GATA2: variants seen among roughly 807,000 people sequenced by gnomAD.
GATA2 encodes the protein GATA binding protein 2, also known as endothelial transcription factor GATA-2.
Under a neutral mutation model 35.7 loss-of-function variants are expected in GATA2, and 6 were observed. The observed-to-expected ratio is 0.17, with a 90% CI of 0.09 to 0.33. GATA2 has a LOEUF of 0.33. Ranked by LOEUF, GATA2 falls within the 10% of genes least tolerant of loss-of-function variation. The probability of loss-of-function intolerance (pLI) is 1.00; values close to 1 mark genes in which losing one functional copy is unlikely to be tolerated. For synonymous variants in GATA2, 313 were observed against 274.9 expected, an observed-to-expected ratio of 1.14 and a Z score of -1.37; for missense variants, 541 against 656.6, an observed-to-expected ratio of 0.82 and a Z score of 1.92.
At chr3:128,483,675 G>A (rs1385424137) in intron 4 of GATA2, among the ~76,000 whole-genome samples, 185 bp downstream of exon 4, 1 of 152,206 alleles carries the variant, frequency 6.6e-6, no homozygotes, top group East Asian at 1.9e-4. Context: ...ACCCGAGGAG[G>A]AAATCTGGCC....
intron 1 of GATA2, chr3:128,490,080 T>A (rs2068753255): frequency 6.6e-6 from 1 of 152,182 alleles, no homozygotes; most frequent in East Asian, 1.9e-4. Context: ...GTAATTCGCC[T>A]TTTTCTCCCA....
chr3:128,481,045 A>G lies in GATA2; in HGVS notation c.1417T>C (p.Ser473Pro), dbSNP rs2068619751. The G allele has an allele frequency of 1.3e-6, 2 of 1,589,140 alleles. No individual in the cohort carries two copies. The highest frequency in any genetic ancestry group is 4.5e-5 in the East Asian group (2 of 44,626). ...SSLSFGHPHP[S>P]SMVTAMG ...TAGCCCATGGCGGTCACCATGCTGG[A>G]CGGGTGGGGGTGGCCGAAGGAGAGG... Residue 473 changes from serine to proline, a missense_variant, in exon 6 of 6, where the codon TCC (serine) becomes CCC (proline). Ser to Pro is a moderately conservative substitution (Grantham distance 74). Around this residue, in one of 5 missense-constraint regions of GATA2, gnomAD observed 95 missense variants for 114.0 expected, o/e 0.83. Coordinates refer to ENST00000341105, the MANE Select transcript of GATA2 (RefSeq NM_032638.5).
intron 1 of GATA2, 102 bp downstream of exon 1, chr3:128,492,797 G>A (rs1396294546): frequency 2.0e-5 from 3 of 152,514 alleles, no homozygotes; most frequent in African/African-American, 7.2e-5. Context: ...CCCAAAGGTA[G>A]GGGCCACAGG....
Position 128,491,217 on chromosome 3 carries a change from C to A in GATA2, c.-46+1682G>T, listed in dbSNP as rs1344055408. Among the ~76,000 whole-genome samples the A allele has an allele frequency of 1.2e-4, 15 of 121,826 alleles. 1 individual carries two copies. The highest frequency in any genetic ancestry group is 2.8e-4 in the African/African-American group (8 of 28,714). 79.9% of individuals were successfully genotyped at this position (121,826 alleles called of 152,430 possible). On this transcript the variant is annotated intron_variant, in intron 1 of 5. Transcript: ENST00000341105. ...TCTCCCCGGCCGTCCAGCCCCCCCC[C>A]CCCTCTGAGCCCTTTGTTTAAAGTT... is the stretch of plus-strand genomic sequence containing the variant.
chr3:128,485,602 G>C, intron 3 of GATA2, 125 bp downstream of exon 3: 1 of 1,212,286 alleles, frequency 8.2e-7, no homozygotes, highest in South Asian at 1.4e-5. Context: ...GGGGCTATTA[G>C]AGCGAGACAT....
chr3:128,481,065 G>A lies in GATA2; in HGVS notation c.1397C>T (p.Ser466Phe), dbSNP rs2107667686. 2 of 1,602,892 alleles carry A rather than the reference G, an allele frequency of 1.2e-6. No homozygotes were observed. The highest frequency in any genetic ancestry group is 1.7e-6 in the Non-Finnish European group (2 of 1,172,774). Reference sequence around the variant, plus strand: ...GCTGGACGGGTGGGGGTGGCCGAAGGAGAGGCTGGAGGAGGGGTGGATGGG... The same window carrying A: ...GCTGGACGGGTGGGGGTGGCCGAAGAAGAGGCTGGAGGAGGGGTGGATGGG... ...PTPIHPSSSL[S>F]FGHPHPSSMV... Residue 466 changes from serine to phenylalanine, a missense_variant, in exon 6 of 6, where the codon TCC becomes TTC. By Grantham distance (155) the Ser-to-Phe change is radical (BLOSUM62 -2). Transcript: ENST00000341105.
At chr3:128,484,030 G>A (rs781434691) in intron 3 of GATA2, 25 bp from the exon 4 acceptor site, 6 of 1,608,398 alleles carry the variant, frequency 3.7e-6, no homozygotes, top group East Asian at 4.5e-5. Context: ...GGAGAGACAC[G>A]GGGGCCTGCT....
intron 4 of GATA2, 63 bp downstream of exon 4, chr3:128,483,797 C>T: frequency 6.2e-7 from 1 of 1,610,360 alleles, no homozygotes; most frequent in Non-Finnish European, 8.5e-7. Flanking sequence ...GTTTTTTTCC[C>T]CTGTAATTAA....
intron 5 of GATA2, 37 bp from the exon 6 acceptor site, chr3:128,481,355 T>C (rs1201788527): frequency 1.2e-6 from 2 of 1,601,968 alleles, no homozygotes; most frequent in African/African-American, 2.7e-5. Flanking sequence ...GGCCAGTTCC[T>C]TCCTCCAGCA....
At chr3:128,486,396 G>C (rs748342049) in intron 2 of GATA2, 28 bp from the exon 3 acceptor site, 2 of 1,589,096 alleles carry the variant, frequency 1.3e-6, no homozygotes, top group Non-Finnish European at 1.7e-6. Context: ...GAGGATCAGG[G>C]TGGGCAGAAA....
At position 128,485,898 on chromosome 3, in the gene GATA2, C is replaced by T. The variant is rs776216814; in HGVS notation, c.700G>A (p.Ala234Thr). ...GTAGCAGGCTGGGTGCCCATAGTAG[C>T]TAGGCCTGGGCGCAGGGGACTGCCA... ...ESGSPLRPGLATMGTQPATHH... is the reference protein window; with the variant it reads ...ESGSPLRPGLTTMGTQPATHH... The change falls in exon 3 of 6, where the codon GCT becomes ACT. Residue 234 changes from alanine to threonine, a missense_variant. Around this residue, in one of 5 missense-constraint regions of GATA2, gnomAD observed 389 missense variants for 396.9 expected, o/e 0.98. Coordinates refer to ENST00000341105, the MANE Select transcript of GATA2 (RefSeq NM_032638.5). 7 of 1,614,094 alleles carry T rather than the reference C, an allele frequency of 4.3e-6. No individual in the cohort carries two copies. The South Asian group carries it at 7.7e-5, about 18-fold the overall frequency.
rs370750401 is a variant in GATA2 at position 128,486,896 on chromosome 3, C to T, written c.136G>A (p.Asp46Asn). The T allele has an allele frequency of 3.1e-6, 5 of 1,612,770 alleles. No homozygotes were observed. The highest frequency in any genetic ancestry group is 4.2e-6 in the Non-Finnish European group (5 of 1,179,584). ...GAGTCGAGGTGATTGAAGAAGACGT[C>T]CACCTCGTCTGGAGGCAGCAGCTGC... ...PAQLLPPDEV[D>N]VFFNHLDSQG... Residue 46 changes from aspartate (D) to asparagine (N), a missense_variant, in exon 2 of 6, where the codon GAC becomes AAC. By Grantham distance (23) the Asp-to-Asn change is conservative. Coordinates refer to ENST00000341105, the MANE Select transcript of GATA2 (RefSeq NM_032638.5).
chr3:128,489,101 G>T (rs2068743074), intron 1 of GATA2: 1 of 152,236 alleles, frequency 6.6e-6, no homozygotes, highest in South Asian at 2.1e-4. Context: ...TGGGGGAGGG[G>T]CGGCGGGATT....
Position 128,483,103 on chromosome 3 carries a change from G to A in GATA2, c.1017+757C>T, listed in dbSNP as rs973530432. Among the ~76,000 whole-genome samples, 18 of 152,288 alleles carry A rather than the reference G, an allele frequency of 1.2e-4. No homozygotes were observed. The South Asian group carries it at 3.7e-3, about 32-fold the overall frequency. The stretch of plus-strand genomic sequence containing the variant: ...GGGCCTCACCCCGCCCTCGCTCCAG[G>A]GGAAAAAAAGGCCCCCAAAGCAGGG... On this transcript the variant is annotated intron_variant, in intron 4 of 5. Transcript: ENST00000341105.
At position 128,487,090 on chromosome 3, in the gene GATA2, G is replaced by A; in HGVS notation, c.-45-14C>T. On this transcript the variant is annotated splice_polypyrimidine_tract_variant and intron_variant, in intron 1 of 5. Transcript: ENST00000341105. ...ACGGCAACGGCCCTGCGCGAGGAAG[G>A]GGGAGTGAGGCGTGCCGCCAGCGCC... is the stretch of plus-strand genomic sequence containing the variant. 1 of 1,399,764 alleles carries A rather than the reference G, an allele frequency of 7.1e-7. No homozygotes were observed. The highest frequency in any genetic ancestry group is 9.6e-7 in the Non-Finnish European group (1 of 1,040,754). 86.7% of individuals were successfully genotyped at this position (1,399,764 alleles called of 1,614,324 possible).
At position 128,480,721 on chromosome 3, in the gene GATA2, G is replaced by A. The variant is rs990996790; in HGVS notation, c.*298C>T. ...CTAATCCTTTTTCCTTCTAAAAATG[G>A]TTGCCTTCGTCTGTCCCGTCCCCTC... On this transcript the variant is annotated 3_prime_UTR_variant, in exon 6 of 6. Coordinates refer to ENST00000341105, the MANE Select transcript of GATA2 (RefSeq NM_032638.5). 1 of 397,946 alleles carries A rather than the reference G, an allele frequency of 2.5e-6. No homozygotes were observed. Among genetic ancestry groups the A allele is most frequent in the African/African-American group, 2.0e-5 (1 of 48,888 alleles). The allele number at this position is 397,946 out of a possible 1,614,324, so 24.7% of individuals were successfully genotyped here.
At position 128,486,361 on chromosome 3, in the gene GATA2, C is replaced by A; in HGVS notation, c.237G>T (p.Leu79=). The change falls in exon 3 of 6, where the codon CTG becomes CTT. Residue 79 remains leucine (L), a synonymous_variant. Coordinates refer to ENST00000341105, the MANE Select transcript of GATA2 (RefSeq NM_032638.5). ...RVSYSPAHAR[L]TGGQMCRPHL... The stretch of plus-strand genomic sequence containing the variant: ...GTGGGCGGCACATCTGGCCTCCGGT[C>A]AGGCGGGCTGCGGGCAAAGAGAGAG... The A allele has an allele frequency of 6.2e-7, 1 of 1,600,798 alleles. No individual in the cohort carries two copies. The highest frequency in any genetic ancestry group is 1.1e-5 in the South Asian group (1 of 88,802).
intron 1 of GATA2, chr3:128,490,202 G>C (rs1261202114): frequency 6.6e-6 from 1 of 152,324 alleles, no homozygotes; most frequent in Admixed American, 6.5e-5. Flanking sequence ...CACTGCGGTA[G>C]TGGAGGTGGC....
In GATA2 at chr3:128,483,932, C is replaced by T; in HGVS notation, c.945G>A (p.Leu315=). ...TGTGGTAGAGGCCACAGGCATTGCA[C>T]AGGTAGTGGCCGGTGCCGTCCCGCC... ...LWRRDGTGHY[L]CNACGLYHKM... Residue 315 remains leucine, a synonymous_variant, in exon 4 of 6, where the codon CTG becomes CTA. Coordinates refer to ENST00000341105, the MANE Select transcript of GATA2 (RefSeq NM_032638.5). 1 of 1,614,146 alleles carries T rather than the reference C, an allele frequency of 6.2e-7. No individual in the cohort carries two copies. Among genetic ancestry groups the T allele is most frequent in the Non-Finnish European group, 8.5e-7 (1 of 1,180,044 alleles).
Sources: allele counts gnomAD v4.1 joint callset (sites outside exome capture counted in the v4.1 genomes callset), GRCh38; gene constraint gnomAD v4.1.1; regional missense constraint gnomAD v4.1.1; transcripts MANE v1.5; gene names NCBI Gene and HGNC (gene_info 2026-07-23, HGNC 2026-07-21).